Variants in CCDC178 observed in about 807,000 individuals in gnomAD.
CCDC178 encodes the protein coiled-coil domain containing 178.
In CCDC178, 126 loss-of-function variants were observed where a neutral mutation model predicts 117.4. The observed-to-expected ratio is 1.07, with a 90% confidence interval of 0.93 to 1.24. The LOEUF (loss-of-function observed/expected upper bound fraction) is 1.24. Among genes scored for constraint, CCDC178 ranks in the 50% most tolerant of loss-of-function variants. The pLI is 0.00. For synonymous variants in CCDC178, 283 were observed against 313.4 expected (o/e 0.90, Z 1.02); for missense variants, 1,030 against 986.9 (o/e 1.04, Z -0.59).
intron 14 of CCDC178, among the ~76,000 whole-genome samples, chr18:33,247,834 A>G (rs1027726083): frequency 1.3e-5 from 2 of 151,844 alleles, no homozygotes; most frequent in African/African-American, 4.8e-5. Context: ...AGTGGGATGA[A>G]TGTGTGGTGT....
intron 14 of CCDC178, among the ~76,000 whole-genome samples, chr18:33,254,291 CA>C (rs1413457710): frequency 6.7e-6 from 1 of 150,324 alleles, no homozygotes; most frequent in Non-Finnish European, 1.5e-5. Context: ...CACACACACA[CA>C]CACACACAGA....
chr18:33,350,193 T>C (rs2062955889), intron 7 of CCDC178, among the ~76,000 whole-genome samples: 1 of 152,098 alleles, frequency 6.6e-6, no homozygotes, highest in African/African-American at 2.4e-5. Flanking sequence ...TAAATTATTA[T>C]ACATAATTAG....
intron 20 of CCDC178, among the ~76,000 whole-genome samples, chr18:33,182,758 T>G (rs943855934): frequency 6.6e-6 from 1 of 152,010 alleles, no homozygotes; most frequent in Non-Finnish European, 1.5e-5. Context: ...CATTTAACAT[T>G]ATTGTGAATT....
chr18:33,064,535 G>C (rs952364076), intron 21 of CCDC178, among the ~76,000 whole-genome samples: 1 of 152,154 alleles, frequency 6.6e-6, no homozygotes, highest in Non-Finnish European at 1.5e-5. Context: ...CCTCATTCCA[G>C]TTAGAATGGC....
At chr18:33,267,551 A>C (rs772194300) in intron 12 of CCDC178, among the ~76,000 whole-genome samples, 1 of 151,800 alleles carries the variant, frequency 6.6e-6, no homozygotes, top group Non-Finnish European at 1.5e-5. Context: ...AAACTAGTAC[A>C]AGAAAAAAAT....
chr18:33,249,430 T>G (rs1385955650), intron 14 of CCDC178, among the ~76,000 whole-genome samples: 1 of 151,972 alleles, frequency 6.6e-6, no homozygotes, highest in Non-Finnish European at 1.5e-5. Flanking sequence ...AATCCATCTT[T>G]AATAAATTTT....
At chr18:33,146,749 T>G (rs1439472233) in intron 20 of CCDC178, among the ~76,000 whole-genome samples, 4 of 152,062 alleles carry the variant, frequency 2.6e-5, no homozygotes, top group Admixed American at 6.5e-5. Flanking sequence ...TCTGGATAGC[T>G]CTCCTTAAAT....
At chr18:33,057,710 T>A (rs2056854318) in intron 21 of CCDC178, among the ~76,000 whole-genome samples, 1 of 152,114 alleles carries the variant, frequency 6.6e-6, no homozygotes, top group South Asian at 2.1e-4. Flanking sequence ...GCCAGGCTGG[T>A]CTCAAACTCC....
chr18:33,333,068 A>AG (rs1327533576), intron 10 of CCDC178, 106 bp downstream of exon 10: 4 of 580,540 alleles, frequency 6.9e-6, no homozygotes, highest in Admixed American at 3.5e-5. Context: ...GTCAATTTTA[A>AG]GAAAAAAAAA....
At chr18:33,110,993 T>A (rs2057773174) in intron 20 of CCDC178, among the ~76,000 whole-genome samples, 1 of 151,604 alleles carries the variant, frequency 6.6e-6, no homozygotes, top group African/African-American at 2.4e-5. Flanking sequence ...AGAATGCACA[T>A]CTTCAAAATA....
chr18:33,098,816 G>A (rs2057581983), intron 20 of CCDC178, among the ~76,000 whole-genome samples: 1 of 151,846 alleles, frequency 6.6e-6, no homozygotes, highest in Non-Finnish European at 1.5e-5. Context: ...CTATGGTTAG[G>A]CCAGGAATTA....
At chr18:33,154,963 T>C (rs532119376) in intron 20 of CCDC178, among the ~76,000 whole-genome samples, 41 of 152,224 alleles carry the variant, frequency 2.7e-4, no homozygotes, top group African/African-American at 9.6e-4. Context: ...CAGTAATTGA[T>C]AGAATACCAA....
chr18:32,962,664 A>G (rs1568184014), intron 22 of CCDC178, among the ~76,000 whole-genome samples: 1 of 151,440 alleles, frequency 6.6e-6, no homozygotes, highest in Admixed American at 6.6e-5. Flanking sequence ...TTTTAAGATT[A>G]CCTCTTTATT....
chr18:33,436,519 G>A (rs80317913), intron 2 of CCDC178, among the ~76,000 whole-genome samples: 4,134 of 152,224 alleles, frequency 0.027, 207 homozygotes, highest in African/African-American at 0.094. Context: ...CACAATCTAT[G>A]CATCTAATAG....
chr18:33,067,887 T>A (rs2057044214), intron 21 of CCDC178, among the ~76,000 whole-genome samples: 1 of 151,232 alleles, frequency 6.6e-6, no homozygotes, highest in South Asian at 2.1e-4. Context: ...ATTAACAAAA[T>A]TAAAAAGCCG....
intron 21 of CCDC178, among the ~76,000 whole-genome samples, chr18:33,046,280 A>T (rs1332446879): frequency 6.6e-6 from 1 of 152,090 alleles, no homozygotes; most frequent in Non-Finnish European, 1.5e-5. Context: ...TTCTCCTCAC[A>T]CTTAGAAATC....
At chr18:33,219,064 C>T (rs1383329581) in intron 18 of CCDC178, among the ~76,000 whole-genome samples, 1 of 152,084 alleles carries the variant, frequency 6.6e-6, no homozygotes, top group Non-Finnish European at 1.5e-5. Context: ...TTTCACAATA[C>T]TGATTATTCC....
At chr18:33,261,334 T>C (rs542904046) in intron 14 of CCDC178, among the ~76,000 whole-genome samples, 20 of 152,242 alleles carry the variant, frequency 1.3e-4, no homozygotes, top group Admixed American at 5.9e-4. Flanking sequence ...CCGCCCACCT[T>C]GGCCTCCCAA....
At chr18:33,043,515 A>AT (rs1415537396) in intron 21 of CCDC178, among the ~76,000 whole-genome samples, 1 of 152,100 alleles carries the variant, frequency 6.6e-6, no homozygotes, top group Non-Finnish European at 1.5e-5. Context: ...AGTTCTTAGA[A>AT]TGGTGTGTGG....
Sources: gnomAD v4.1 joint callset for allele counts (sites outside exome capture counted in the v4.1 genomes callset) on GRCh38, gnomAD v4.1.1 for gene constraint, MANE v1.5 for transcripts, NCBI Gene and HGNC (gene_info 2026-07-23, HGNC 2026-07-21) for gene names.